The following VPS35 variants were observed in gnomAD, a reference collection of about 807,000 sequenced individuals.
The protein encoded by VPS35 is vacuolar protein sorting-associated protein 35.
A neutral mutation model predicts 98.1 loss-of-function variants in VPS35; 21 were observed. The observed-to-expected ratio is 0.21, with a 90% CI of 0.15 to 0.31. The LOEUF is 0.31. Among genes scored for constraint, VPS35 ranks in the 10% least tolerant of loss-of-function variants. The probability of loss-of-function intolerance (pLI) is 1.00; values close to 1 mark genes in which losing one functional copy is unlikely to be tolerated. For missense variants in VPS35, 554 were observed against 950.8 expected, an observed-to-expected ratio of 0.58 and a Z score of 5.49; for synonymous variants, 268 against 318.2, an observed-to-expected ratio of 0.84 and a Z score of 1.68.
rs1374187902 is a variant in VPS35 at position 46,662,916 on chromosome 16, A to G, written c.1827+67T>C. The G allele has an allele frequency of 5.7e-6, 9 of 1,574,422 alleles. No homozygotes were observed. In the Middle Eastern group the frequency reaches 6.7e-4, roughly 118 times the overall value. ...GAGTAAATTCATGTGCATTACCACC[A>G]TGCCTGCAAACAAGCAACTGAACCC... is the stretch of plus-strand genomic sequence containing the variant. On this transcript the variant is annotated intron_variant, in intron 14 of 16. Transcript: ENST00000299138.
At chr16:46,679,481 C>A (rs1375537919) in intron 5 of VPS35, among the ~76,000 whole-genome samples, 2 of 152,150 alleles carry the variant, frequency 1.3e-5, no homozygotes, top group Non-Finnish European at 2.9e-5. Context: ...TAATCCAGTG[C>A]TTTGGGAGGC....
chr16:46,678,967 A>G lies in VPS35; in HGVS notation c.696T>C (p.Gly232=), dbSNP rs1256763496. Residue 232 remains glycine, a synonymous_variant, in exon 6 of 17, where the codon GGT becomes GGC. Transcript: ENST00000299138. ...CCTGTTTGTAACGTTCCACATTTAC[A>G]CCTTCCAACTGACTGAGGCGCACCA... The part of the protein sequence containing the change: ...TNLVRLSQLE[G]VNVERYKQIV... 1.9e-6 allele frequency: 3 copies of G among 1,614,082 alleles called. No individual in the cohort carries two copies. The highest frequency in any genetic ancestry group is 2.5e-6 in the Non-Finnish European group (3 of 1,180,042).
At position 46,657,170 on chromosome 16, in the gene VPS35, A is replaced by G. The variant is rs1965850585; in HGVS notation, c.*3302T>C. ...GGCAAGTCACTACTCTTGGGAATTCAAGTGTATGGTAAATGTGTAGATACT... is the reference window on the plus strand; with the variant it reads ...GGCAAGTCACTACTCTTGGGAATTCGAGTGTATGGTAAATGTGTAGATACT... On this transcript the variant is annotated 3_prime_UTR_variant, in exon 17 of 17. Coordinates refer to ENST00000299138, the MANE Select transcript of VPS35 (RefSeq NM_018206.6). The G allele has an allele frequency of 6.6e-6, 1 of 152,218 alleles. No individual in the cohort carries two copies. Among genetic ancestry groups the G allele is most frequent in the Non-Finnish European group, 1.5e-5 (1 of 68,058 alleles). The allele number at this position is 152,218 out of a possible 1,614,324, so 9.4% of individuals were successfully genotyped here.
intron 13 of VPS35, among the ~76,000 whole-genome samples, chr16:46,668,558 T>G (rs559247529): frequency 6.6e-6 from 1 of 152,294 alleles, no homozygotes; most frequent in African/African-American, 2.4e-5. Flanking sequence ...CATAAAAAGT[T>G]GCCCACAACT....
rs1966165401 is a variant in VPS35, at chr16:46,677,234, C to T, written c.804+81G>A. On this transcript the variant is annotated intron_variant, in intron 7 of 16. Coordinates refer to ENST00000299138, the MANE Select transcript of VPS35 (RefSeq NM_018206.6). The stretch of plus-strand genomic sequence containing the variant: ...ATTCAGGAAAGCTTATTTCCTATTC[C>T]ATCAAAATTTTTTCAAAACAATTAA... 3.1e-6 allele frequency: 4 copies of T among 1,285,198 alleles called. No individual in the cohort carries two copies. The South Asian group carries it at 4.9e-5, about 16-fold the overall frequency. The allele number at this position is 1,285,198 out of a possible 1,614,324, so 79.6% of individuals were successfully genotyped here.
intron 8 of VPS35, among the ~76,000 whole-genome samples, chr16:46,675,717 T>C (rs866562368): frequency 6.6e-6 from 1 of 152,290 alleles, no homozygotes; most frequent in Non-Finnish European, 1.5e-5. Context: ...TTCATGACAA[T>C]GCTTACAAGT....
At chr16:46,662,574 T>C in intron 14 of VPS35, 92 bp from the exon 15 acceptor site, 1 of 1,579,644 alleles carries the variant, frequency 6.3e-7, no homozygotes, top group South Asian at 1.1e-5. Flanking sequence ...CTCCATCCTG[T>C]GAGACTTCTG....
chr16:46,660,915 G>A (rs1331085223), intron 16 of VPS35: 2 of 462,926 alleles, frequency 4.3e-6, no homozygotes, highest in Non-Finnish European at 8.1e-6. Context: ...GGAGGCTGAG[G>A]TGGGCAGATC....
At chr16:46,687,563 T>G (rs577410523) in intron 1 of VPS35, among the ~76,000 whole-genome samples, 1 of 152,076 alleles carries the variant, frequency 6.6e-6, no homozygotes, top group East Asian at 1.9e-4. Context: ...AAGCACTGAG[T>G]TGACAATGTT....
chr16:46,663,245 C>T, intron 13 of VPS35, 83 bp from the exon 14 acceptor site: 2 of 1,291,094 alleles, frequency 1.5e-6, no homozygotes, highest in Non-Finnish European at 2.2e-6. Context: ...GAACAAAATA[C>T]TGTAAGTTGT....
chr16:46,676,571 G>A lies in VPS35; in HGVS notation c.914+12C>T. The stretch of plus-strand genomic sequence containing the variant: ...GTCAGAGCATTTATCCGCCAGTGTT[G>A]GAAGGTCTTACCTATCAATTAAAGC... On this transcript the variant is annotated intron_variant, in intron 8 of 16. Coordinates refer to ENST00000299138, the MANE Select transcript of VPS35 (RefSeq NM_018206.6). The A allele has an allele frequency of 6.6e-7, 1 of 1,512,358 alleles. No individual in the cohort carries two copies. The highest frequency in any genetic ancestry group is 9.2e-7 in the Non-Finnish European group (1 of 1,089,126). The allele number at this position is 1,512,358 out of a possible 1,614,324, so 93.7% of individuals were successfully genotyped here. A position where few individuals can be genotyped will look rare whatever the true frequency, so the allele number is the denominator to read the frequency against.
At chr16:46,673,160 G>A (rs542462103) in intron 10 of VPS35, among the ~76,000 whole-genome samples, 8 of 150,952 alleles carry the variant, frequency 5.3e-5, no homozygotes, top group East Asian at 2.0e-4. Context: ...TATTAGAGAC[G>A]GGGTCTCGCT....
At position 46,683,530 on chromosome 16, in the gene VPS35, G is replaced by A. The variant is rs1338443223; in HGVS notation, c.80C>T (p.Ser27Leu). The change falls in exon 2 of 17, where the codon TCA (serine) becomes TTA (leucine). Residue 27 changes from serine to leucine, a missense_variant. Ser to Leu is a moderately radical substitution (Grantham distance 145, BLOSUM62 -2). This residue lies in a region of VPS35 where 67 missense variants were observed against 103.3 expected (regional missense o/e 0.65). Coordinates refer to ENST00000299138, the MANE Select transcript of VPS35 (RefSeq NM_018206.6). Reference sequence around the variant, plus strand: ...TACCAGGCATCTCTTCATTTGGAATGACTGGACCTTCACAGCCTGTATGGC... The same window carrying A: ...TACCAGGCATCTCTTCATTTGGAATAACTGGACCTTCACAGCCTGTATGGC... ...DEAIQAVKVQ[S>L]FQMKRCLDKN... 1.3e-5 allele frequency: 21 copies of A among 1,613,648 alleles called. 1 individual carries two copies. Among genetic ancestry groups the A allele is most frequent in the Non-Finnish European group, 1.8e-5 (21 of 1,179,978 alleles).
chr16:46,689,173 G>T lies in VPS35; in HGVS notation c.-40C>A. The T allele has an allele frequency of 1.2e-6, 2 of 1,601,914 alleles. No homozygotes were observed. Among genetic ancestry groups the T allele is most frequent in the South Asian group, 1.1e-5 (1 of 88,980 alleles). On this transcript the variant is annotated 5_prime_UTR_variant, in exon 1 of 17. Coordinates refer to ENST00000299138, the MANE Select transcript of VPS35 (RefSeq NM_018206.6). ...GCCTGCAGCAAGCAGCACCCGCCCC[G>T]CGCGTAGCCTCCCGCGGTCATGTGA...
At chr16:46,678,793 C>A in intron 6 of VPS35, 150 bp downstream of exon 6, 2 of 743,558 alleles carry the variant, frequency 2.7e-6, no homozygotes, top group Non-Finnish European at 4.3e-6. Context: ...ACAAACACTG[C>A]ATATATATCT....
chr16:46,688,970 C>A (rs1355786259), intron 1 of VPS35, 161 bp downstream of exon 1: 2 of 1,514,258 alleles, frequency 1.3e-6, no homozygotes, highest in South Asian at 2.4e-5. Context: ...TGCCCGCGGC[C>A]TTCCTCCTGC....
Position 46,661,823 on chromosome 16 carries a change from T to C in VPS35, c.2106A>G (p.Lys702=), listed in dbSNP as rs1340442563. 2 of 1,613,880 alleles carry C rather than the reference T, an allele frequency of 1.2e-6. No homozygotes were observed. The highest frequency in any genetic ancestry group is 2.7e-5 in the African/African-American group (2 of 74,912). The part of the protein sequence containing the change: ...GGKRVMECLK[K]ALKIANQCMD... ...TGCACTGATTTGCTATTTTTAGAGC[T>C]TTTTTTAGGCACTCCATTACCCTCT... The change falls in exon 16 of 17, where the codon AAA becomes AAG. Residue 702 remains lysine, a synonymous_variant. Transcript: ENST00000299138. This position sits in a 1 kb window ranked among gnomAD's most constrained non-coding sequence, Gnocchi z 4.3.
chr16:46,672,300 G>A lies in VPS35; in HGVS notation c.1333C>T (p.Leu445=). 1 of 1,613,706 alleles carries A rather than the reference G, an allele frequency of 6.2e-7. No individual in the cohort carries two copies. Among genetic ancestry groups the A allele is most frequent in the South Asian group, 1.1e-5 (1 of 91,068 alleles). ...SMSCYVLSNV[L]DYNTEIVSQD... is the part of the protein sequence containing the mutation. ...GAGACAATTTCTGTGTTATAATCCA[G>A]AACATTACTAAGCACATAACAACTC... Residue 445 remains leucine (L), a synonymous_variant, in exon 11 of 17, where the codon CTG becomes TTG. Transcript: ENST00000299138.
intron 13 of VPS35, among the ~76,000 whole-genome samples, chr16:46,666,132 G>A (rs1965985440): frequency 6.6e-6 from 1 of 151,758 alleles, no homozygotes; most frequent in Non-Finnish European, 1.5e-5. Context: ...TCAAACTCCT[G>A]ATCCCAAATG....
Sources: allele counts gnomAD v4.1 joint callset (sites outside exome capture counted in the v4.1 genomes callset), GRCh38; gene constraint gnomAD v4.1.1; regional missense constraint gnomAD v4.1.1; non-coding constraint Gnocchi (gnomAD v3.1); transcripts MANE v1.5; gene names NCBI Gene and HGNC (gene_info 2026-07-23, HGNC 2026-07-21).